The following PIWIL2 variants were observed in gnomAD, a reference collection of about 807,000 sequenced individuals.
PIWIL2 encodes piwi-like protein 2.
Under a neutral mutation model 116.5 loss-of-function variants are expected in PIWIL2, and 81 were observed. That is an observed-to-expected ratio of 0.70 (90% CI 0.58 to 0.84). PIWIL2 has a LOEUF of 0.84. PIWIL2 is among the 40% of genes least tolerant of loss of function. The pLI, the probability that PIWIL2 is intolerant of heterozygous loss-of-function variation, is 0.00. For synonymous variants in PIWIL2, 489 were observed against 429.5 expected (o/e 1.14, Z -1.71); for missense variants, 1,272 against 1,212.3 (o/e 1.05, Z -0.73).
intron 1 of PIWIL2, among the ~76,000 whole-genome samples, chr8:22,277,156 G>A (rs1830396683): frequency 1.3e-5 from 2 of 152,034 alleles, no homozygotes; most frequent in Admixed American, 1.3e-4. Flanking sequence ...TGAGGAGGGG[G>A]GATTACAGGC....
In PIWIL2 at chr8:22,353,418, G is replaced by A. The variant is rs1377094513; in HGVS notation, c.2657+206G>A. On this transcript the variant is annotated intron_variant, in intron 21 of 22. Transcript: ENST00000356766. ...AATCCCAACGCTTTGGGAGGCTGAG[G>A]CAGTTAGATCACCTGAGGTCAGGAG... is the stretch of plus-strand genomic sequence containing the variant. Among the ~76,000 whole-genome samples the A allele has an allele frequency of 2.6e-5, 4 of 152,114 alleles. No homozygotes were observed. The East Asian group carries it at 7.7e-4, about 29-fold the overall frequency.
In PIWIL2 at chr8:22,354,223, G is replaced by T. The variant is rs1458909615; in HGVS notation, c.2658-48G>T. On this transcript the variant is annotated intron_variant, in intron 21 of 22. Coordinates refer to ENST00000356766, the MANE Select transcript of PIWIL2 (RefSeq NM_018068.5). Reference sequence around the variant, plus strand: ...GATCTCCAGGATCTTTGCCAGCTCTGTCTGGCTGAATCCGACCATTTCACT... The same window carrying T: ...GATCTCCAGGATCTTTGCCAGCTCTTTCTGGCTGAATCCGACCATTTCACT... 4 of 1,249,458 alleles carry T rather than the reference G, an allele frequency of 3.2e-6. No individual in the cohort carries two copies. In the Admixed American group the frequency reaches 5.0e-5, roughly 16 times the overall value. The allele number at this position is 1,249,458 out of a possible 1,614,324, so 77.4% of individuals were successfully genotyped here. A position where few individuals can be genotyped will look rare whatever the true frequency, so the allele number is the denominator to read the frequency against.
At chr8:22,303,996 A>G (rs769507788) in intron 10 of PIWIL2, 25 bp from the exon 11 acceptor site, 5 of 1,555,238 alleles carry the variant, frequency 3.2e-6, no homozygotes, top group South Asian at 1.2e-5. Flanking sequence ...ACTGTGATCC[A>G]AAAGTCTTTT....
At chr8:22,304,742 A>T (rs1039664271) in intron 11 of PIWIL2, 42 bp from the exon 12 acceptor site, 3 of 1,133,448 alleles carry the variant, frequency 2.6e-6, no homozygotes, top group Non-Finnish European at 4.0e-6. Context: ...AAGAGTATTG[A>T]TGCTGCTTCT....
chr8:22,347,112 A>T (rs1314082284), intron 20 of PIWIL2, among the ~76,000 whole-genome samples: 2 of 151,158 alleles, frequency 1.3e-5, no homozygotes, highest in Non-Finnish European at 2.9e-5. Context: ...TTCAGACTGC[A>T]TGAGCCATCA....
chr8:22,352,696 C>T, intron 20 of PIWIL2: 2 of 391,916 alleles, frequency 5.1e-6, no homozygotes, highest in South Asian at 7.8e-5. Flanking sequence ...GTGGATAAGC[C>T]GTATGCATGT....
chr8:22,288,459 G>A, intron 7 of PIWIL2, 83 bp from the exon 8 acceptor site: 3 of 1,125,656 alleles, frequency 2.7e-6, no homozygotes, highest in Non-Finnish European at 3.8e-6. Flanking sequence ...GTGTTCTTAA[G>A]AACACAGTTG....
chr8:22,316,454 C>A, intron 19 of PIWIL2, 121 bp downstream of exon 19: 1 of 675,538 alleles, frequency 1.5e-6, no homozygotes, highest in South Asian at 1.9e-5. Flanking sequence ...TAAACATTTT[C>A]TTCCTCTATC....
rs760539069 is a variant in PIWIL2 at position 22,353,190 on chromosome 8, C to G, written c.2635C>G (p.His879Asp). Residue 879 changes from histidine to aspartate, a missense_variant, in exon 21 of 23, where the codon CAT becomes GAT. Transcript: ENST00000356766. ...TCCCACTCCTGGAACTGTGGTAGAT[C>G]ATACAATAACAAGCTGTGAGTGGTA... is the stretch of plus-strand genomic sequence containing the variant. Reference protein sequence around the residue: ...VTPTPGTVVDHTITSCEWVDF... With the variant: ...VTPTPGTVVDDTITSCEWVDF... 1 of 1,612,946 alleles carries G rather than the reference C, an allele frequency of 6.2e-7. No individual in the cohort carries two copies. Among genetic ancestry groups the G allele is most frequent in the Admixed American group, 1.7e-5 (1 of 59,986 alleles).
rs575734760 is a variant in PIWIL2, at chr8:22,325,360, A to G, written c.2403+7085A>G. On this transcript the variant is annotated intron_variant, in intron 20 of 22. Coordinates refer to ENST00000356766, the MANE Select transcript of PIWIL2 (RefSeq NM_018068.5). ...TCCTTTCTTCCACTTTAGACAACAG[A>G]TGTTTCAGATGCCCATTCTAATTCT... Among the ~76,000 whole-genome samples the G allele has an allele frequency of 9.9e-5, 15 of 151,952 alleles. No homozygotes were observed. In the South Asian group the frequency reaches 1.2e-3, roughly 13 times the overall value.
intron 13 of PIWIL2, among the ~76,000 whole-genome samples, chr8:22,306,296 C>A (rs990305408): frequency 6.6e-6 from 1 of 152,234 alleles, no homozygotes; most frequent in Non-Finnish European, 1.5e-5. Context: ...ACAACTCTGT[C>A]TTCATCCTCA....
At chr8:22,329,411 A>G (rs1042281219) in intron 20 of PIWIL2, among the ~76,000 whole-genome samples, 12 of 152,248 alleles carry the variant, frequency 7.9e-5, no homozygotes, top group African/African-American at 1.9e-4. Context: ...GGAAGCTTAC[A>G]GTCATGGTGG....
At chr8:22,305,413 C>T (rs939398357) in intron 12 of PIWIL2, among the ~76,000 whole-genome samples, 2 of 152,026 alleles carry the variant, frequency 1.3e-5, no homozygotes, top group Admixed American at 6.6e-5. Flanking sequence ...AGGATAGTCT[C>T]GATCTCCTGA....
chr8:22,304,898 A>G, intron 12 of PIWIL2, 30 bp downstream of exon 12: 1 of 1,433,640 alleles, frequency 7.0e-7, no homozygotes, highest in East Asian at 2.3e-5. Flanking sequence ...TTACAATTCC[A>G]GCTTAAGTTC....
At chr8:22,335,346 C>T (rs951937639) in intron 20 of PIWIL2, among the ~76,000 whole-genome samples, 7 of 151,988 alleles carry the variant, frequency 4.6e-5, no homozygotes, top group Non-Finnish European at 8.8e-5. Context: ...ATGTGGTAGA[C>T]GTGGTGGTCA....
chr8:22,334,263 C>T (rs990388783), intron 20 of PIWIL2, among the ~76,000 whole-genome samples: 1 of 151,838 alleles, frequency 6.6e-6, no homozygotes, highest in Non-Finnish European at 1.5e-5. Flanking sequence ...GCGTGAGACA[C>T]CACGCCTGGC....
intron 20 of PIWIL2, among the ~76,000 whole-genome samples, chr8:22,333,930 C>T (rs1418443246): frequency 6.7e-6 from 1 of 149,832 alleles, no homozygotes; most frequent in Non-Finnish European, 1.5e-5. Context: ...GGAGGAAGGG[C>T]AAGAATGAGG....
intron 20 of PIWIL2, among the ~76,000 whole-genome samples, chr8:22,344,137 A>G (rs1361437935): frequency 6.6e-6 from 1 of 152,230 alleles, no homozygotes; most frequent in Non-Finnish European, 1.5e-5. Context: ...AAGGCTTTAT[A>G]TGATTCTAAC....
rs1295907815 is a variant in PIWIL2, at chr8:22,356,184, T to G, written c.*679T>G. ...CATTTCTGGAGCCAGAGATGATAAT[T>G]AAGTCATTGCAAGTTGCCTGAAGAG... On this transcript the variant is annotated 3_prime_UTR_variant, in exon 23 of 23. Transcript: ENST00000356766. The G allele has an allele frequency of 5.3e-5, 8 of 151,990 alleles. No individual in the cohort carries two copies. The highest frequency in any genetic ancestry group is 3.9e-4 in the Admixed American group (6 of 15,264). The allele number at this position is 151,990 out of a possible 1,614,324, so 9.4% of individuals were successfully genotyped here.
Sources: allele counts gnomAD v4.1 joint callset (sites outside exome capture counted in the v4.1 genomes callset), GRCh38; gene constraint gnomAD v4.1.1; transcripts MANE v1.5; gene names NCBI Gene and HGNC (gene_info 2026-07-23, HGNC 2026-07-21).